EML4: variants seen among roughly 807,000 people sequenced by gnomAD.
EML4 encodes the protein EMAP like 4, also known as echinoderm microtubule-associated protein-like 4.
In EML4, 72 loss-of-function variants were observed where a neutral mutation model predicts 129.0. The observed-to-expected ratio is 0.56, with a 90% CI of 0.46 to 0.68. EML4 has a LOEUF of 0.68. Among genes scored for constraint, EML4 ranks in the 30% least tolerant of loss-of-function variants. The pLI, the probability that EML4 is intolerant of heterozygous loss-of-function variation, is 0.00. For synonymous variants in EML4, 532 were observed against 405.0 expected, an observed-to-expected ratio of 1.31 and a Z score of -3.77; for missense variants, 1,363 against 1,190.6, an observed-to-expected ratio of 1.14 and a Z score of -2.13.
At chr2:42,254,877 A>G (rs1449540928) in intron 2 of EML4, among the ~76,000 whole-genome samples, 1 of 152,212 alleles carries the variant, frequency 6.6e-6, no homozygotes, top group African/African-American at 2.4e-5. Context: ...CAAAAGGTGG[A>G]AACAATCCAG....
intron 1 of EML4, among the ~76,000 whole-genome samples, chr2:42,192,999 G>T (rs1487045961): frequency 4.6e-5 from 7 of 152,196 alleles, no homozygotes; most frequent in Non-Finnish European, 7.3e-5. Context: ...AAACTGACAT[G>T]TTTGGCTGGT....
intron 1 of EML4, among the ~76,000 whole-genome samples, chr2:42,227,084 G>A (rs1010203381): frequency 1.3e-5 from 2 of 152,022 alleles, no homozygotes; most frequent in African/African-American, 4.8e-5. Flanking sequence ...TCAGTTTTAT[G>A]TGCATGTGAA....
chr2:42,294,930 C>T (rs1415872793), intron 11 of EML4, among the ~76,000 whole-genome samples, 195 bp from the exon 12 acceptor site: 2 of 151,940 alleles, frequency 1.3e-5, no homozygotes, highest in African/African-American at 2.4e-5. Context: ...AAAGGTGATA[C>T]GATAATACAA....
intron 4 of EML4, 49 bp downstream of exon 4, chr2:42,261,343 C>G: frequency 1.4e-6 from 2 of 1,452,408 alleles, no homozygotes; most frequent in Non-Finnish European, 1.8e-6. Flanking sequence ...GTAATGATAC[C>G]TAAATTCTGT....
intron 6 of EML4, among the ~76,000 whole-genome samples, chr2:42,277,780 G>C (rs1666742230): frequency 6.6e-6 from 1 of 152,238 alleles, no homozygotes; most frequent in Middle Eastern, 3.4e-3. Context: ...TGTTGGCCAG[G>C]CTGGTCTCAA....
intron 1 of EML4, among the ~76,000 whole-genome samples, chr2:42,218,850 G>A (rs1673368787): frequency 6.6e-6 from 1 of 152,142 alleles, no homozygotes; most frequent in Non-Finnish European, 1.5e-5. Flanking sequence ...ATTTTAAAGA[G>A]AGGGGGTCTT....
intron 4 of EML4, among the ~76,000 whole-genome samples, chr2:42,262,906 A>T (rs1665824160): frequency 6.6e-6 from 1 of 152,122 alleles, no homozygotes; most frequent in African/African-American, 2.4e-5. Context: ...TAAGGAAATA[A>T]TTTTTTTCTG....
intron 6 of EML4, among the ~76,000 whole-genome samples, chr2:42,276,993 G>A (rs1427802723): frequency 2.6e-5 from 4 of 152,112 alleles, no homozygotes; most frequent in Non-Finnish European, 5.9e-5. Context: ...TTCTTAGGCT[G>A]CTTGACACTT....
At chr2:42,306,660 AT>A (rs139564809) in intron 17 of EML4, among the ~76,000 whole-genome samples, 20,701 of 143,048 alleles carry the variant, frequency 0.14, 1,646 homozygotes, top group South Asian at 0.28. Context: ...CGCCTGGCTA[AT>A]TTTTTTTTTT....
intron 6 of EML4, 43 bp from the exon 7 acceptor site, chr2:42,280,806 AC>A: frequency 6.6e-7 from 1 of 1,508,636 alleles, no homozygotes; most frequent in South Asian, 1.2e-5. Flanking sequence ...GTATGACTAT[AC>A]AGAAAATACG....
intron 17 of EML4, among the ~76,000 whole-genome samples, chr2:42,312,362 C>T (rs1193310159): frequency 1.3e-5 from 2 of 152,064 alleles, no homozygotes; most frequent in Admixed American, 1.3e-4. Context: ...TCGTTATAAC[C>T]TCTTAGAATT....
chr2:42,274,598 A>G (rs138820994), intron 6 of EML4, among the ~76,000 whole-genome samples: 5 of 152,306 alleles, frequency 3.3e-5, no homozygotes, highest in African/African-American at 1.2e-4. Context: ...TGAACGATTA[A>G]TACTTTTTTA....
At chr2:42,193,712 G>A (rs1671735150) in intron 1 of EML4, among the ~76,000 whole-genome samples, 2 of 151,590 alleles carry the variant, frequency 1.3e-5, no homozygotes, top group African/African-American at 4.9e-5. Context: ...ATGAAGTGGG[G>A]TCTTGGTATG....
chr2:42,250,273 C>G (rs57655871), intron 2 of EML4, among the ~76,000 whole-genome samples: 2 of 152,162 alleles, frequency 1.3e-5, no homozygotes, highest in Non-Finnish European at 2.9e-5. Flanking sequence ...GGGGTCAGTT[C>G]TCCAAAAGAA....
chr2:42,232,568 C>T (rs1049165440), intron 1 of EML4, among the ~76,000 whole-genome samples: 4 of 152,180 alleles, frequency 2.6e-5, no homozygotes, highest in African/African-American at 9.7e-5. Flanking sequence ...ATATATTCCC[C>T]AACCCACCTC....
Position 42,317,446 on chromosome 2 carries a change from A to C in EML4, c.2076A>C (p.Val692=), listed in dbSNP as rs1438326530. Residue 692 remains valine (V), a synonymous_variant, in exon 19 of 23, where the codon GTA becomes GTC. Coordinates refer to ENST00000318522, the MANE Select transcript of EML4 (RefSeq NM_019063.5). ...TTCTAGATGGTACCTTCCTGGCTGT[A>C]GGATCTCATGACAACTTTATTTACC... ...RYSIDGTFLA[V]GSHDNFIYLY... 6.2e-7 allele frequency: 1 copy of C among 1,611,630 alleles called. No individual in the cohort carries two copies. The highest frequency in any genetic ancestry group is 8.5e-7 in the Non-Finnish European group (1 of 1,178,382).
chr2:42,254,445 A>C (rs1675989310), intron 2 of EML4, among the ~76,000 whole-genome samples: 1 of 150,960 alleles, frequency 6.6e-6, no homozygotes, highest in South Asian at 2.1e-4. Flanking sequence ...GCAACAGAGC[A>C]AGACTCTGTC....
intron 1 of EML4, among the ~76,000 whole-genome samples, chr2:42,220,071 A>G (rs189669992): frequency 6.6e-6 from 1 of 152,048 alleles, no homozygotes; most frequent in Non-Finnish European, 1.5e-5. Context: ...TTTCACTCAT[A>G]GTGTATGTCA....
chr2:42,234,987 T>TC (rs1383756374), intron 1 of EML4, among the ~76,000 whole-genome samples: 1 of 152,090 alleles, frequency 6.6e-6, no homozygotes, highest in African/African-American at 2.4e-5. Flanking sequence ...CGAAACCCCA[T>TC]CTCTACTAAA....
Sources: allele counts gnomAD v4.1 joint callset (sites outside exome capture counted in the v4.1 genomes callset), GRCh38; gene constraint gnomAD v4.1.1; transcripts MANE v1.5; gene names NCBI Gene and HGNC (gene_info 2026-07-23, HGNC 2026-07-21).